PCDHGB4: variants seen among roughly 807,000 people sequenced by gnomAD.
PCDHGB4 encodes the protein protocadherin gamma-B4.
In PCDHGB4, 38 loss-of-function variants were observed where a neutral mutation model predicts 60.5. That is an observed-to-expected ratio of 0.63 (90% CI 0.48 to 0.82). The LOEUF is 0.82. Ranked by LOEUF, PCDHGB4 falls within the 40% of genes least tolerant of loss-of-function variation. The pLI is 0.00. For missense variants in PCDHGB4, 1,109 were observed against 1,209.6 expected, an observed-to-expected ratio of 0.92 and a Z score of 1.23; for synonymous variants, 456 against 509.7, an observed-to-expected ratio of 0.89 and a Z score of 1.42.
chr5:141,463,018 T>C (rs1318740358), intron 1 of PCDHGB4, among the ~76,000 whole-genome samples: 1 of 152,212 alleles, frequency 6.6e-6, no homozygotes, highest in Admixed American at 6.5e-5. Flanking sequence ...AATTCTGACT[T>C]TTTTGATTAA....
rs57426385 is a variant in PCDHGB4, at chr5:141,415,740, G to GTTTTTTTTTTTT, written c.2397+25480_2397+25491dup. 137 of 625,016 alleles carry GTTTTTTTTTTTT rather than the reference G, an allele frequency of 2.2e-4. 2 individuals carry two copies. The highest frequency in any genetic ancestry group is 3.5e-4 in the Admixed American group (5 of 14,120). The allele number at this position is 625,016 out of a possible 1,614,324, so 38.7% of individuals were successfully genotyped here. On this transcript the variant is annotated intron_variant, in intron 1 of 3. Coordinates refer to ENST00000519479, the MANE Select transcript of PCDHGB4 (RefSeq NM_003736.4). ...TGAGTAGAATTTGATGTTTATTAAG[G>GTTTTTTTTTTTT]TTTTTTTTTTTTTTTTTTTTTTTTT... is the stretch of plus-strand genomic sequence containing the variant.
rs1348785166 is a variant in PCDHGB4, at chr5:141,431,381, C to T, written c.2397+41100C>T. On this transcript the variant is annotated intron_variant, in intron 1 of 3. Coordinates refer to ENST00000519479, the MANE Select transcript of PCDHGB4 (RefSeq NM_003736.4). The surrounding 1 kb of genome is among the most constrained non-coding windows in gnomAD (Gnocchi z 4.8). Reference sequence around the variant, plus strand: ...CCTGGACCGCGAAGAAAAGGCTGCTCACCACCTGGTCCTTACGGCCTCCGA... The same window carrying T: ...CCTGGACCGCGAAGAAAAGGCTGCTTACCACCTGGTCCTTACGGCCTCCGA... 1.2e-6 allele frequency: 2 copies of T among 1,613,940 alleles called. No homozygotes were observed. Among genetic ancestry groups the T allele is most frequent in the Non-Finnish European group, 1.7e-6 (2 of 1,180,042 alleles).
chr5:141,395,327 AAAT>A (rs760723981), intron 1 of PCDHGB4: 2 of 1,469,018 alleles, frequency 1.4e-6, no homozygotes, highest in Non-Finnish European at 1.8e-6. Flanking sequence ...AGATAGTTGA[AAAT>A]AATTTTTAAG....
In PCDHGB4 at chr5:141,489,633, T is replaced by C. The variant is rs1298084961; in HGVS notation, c.2398-5174T>C. On this transcript the variant is annotated intron_variant, in intron 1 of 3. Coordinates refer to ENST00000519479, the MANE Select transcript of PCDHGB4 (RefSeq NM_003736.4). The surrounding 1 kb of genome is among the most constrained non-coding windows in gnomAD (Gnocchi z 4.5). ...TCCTGGATCTCAATGACAACTCTCC[T>C]AGCTTTGCCACCCCTGAGCGAGAGA... The C allele has an allele frequency of 6.2e-7, 1 of 1,614,160 alleles. No individual in the cohort carries two copies. Among genetic ancestry groups the C allele is most frequent in the South Asian group, 1.1e-5 (1 of 91,086 alleles).
rs1223618064 is a variant in PCDHGB4 at position 141,512,867 on chromosome 5, C to T, written c.*1694C>T. On this transcript the variant is annotated 3_prime_UTR_variant, in exon 4 of 4. Transcript: ENST00000519479. The stretch of plus-strand genomic sequence containing the variant: ...ATAAGCGCTTCTCTTCGCATAGTCA[C>T]GTAGCTCCCACCCCACCCTCTTCCT... 1 of 152,184 alleles carries T rather than the reference C, an allele frequency of 6.6e-6. No homozygotes were observed. The highest frequency in any genetic ancestry group is 1.5e-5 in the Non-Finnish European group (1 of 68,056). The allele number at this position is 152,184 out of a possible 1,614,324, so 9.4% of individuals were successfully genotyped here. A position where few individuals can be genotyped will look rare whatever the true frequency, so the allele number is the denominator to read the frequency against.
At chr5:141,451,926 T>G (rs994841982) in intron 1 of PCDHGB4, among the ~76,000 whole-genome samples, 5 of 151,122 alleles carry the variant, frequency 3.3e-5, no homozygotes, top group Non-Finnish European at 7.4e-5. Context: ...GGAAGGGAGG[T>G]AGGGAGGCAG....
chr5:141,409,868 A>C (rs2095328786), intron 1 of PCDHGB4: 2 of 1,612,688 alleles, frequency 1.2e-6, no homozygotes, highest in Admixed American at 1.7e-5. Flanking sequence ...GGGAGACCGC[A>C]ATGACAACGC....
intron 1 of PCDHGB4, chr5:141,428,160 T>C (rs761366261): frequency 6.4e-7 from 1 of 1,572,286 alleles, no homozygotes; most frequent in Non-Finnish European, 8.7e-7. Context: ...AACCTGCTGG[T>C]TGCTGTGCGT....
rs2099394683 is a variant in PCDHGB4, at chr5:141,476,602, C to G, written c.2398-18205C>G. 2.5e-6 allele frequency: 4 copies of G among 1,614,208 alleles called. No individual in the cohort carries two copies. The highest frequency in any genetic ancestry group is 2.2e-5 in the East Asian group (1 of 44,862). Reference sequence around the variant, plus strand: ...TTCCGCTCGAGAGCGCGCACGATCCCGATGTGGGAAGCAACTCTTTACAAA... The same window carrying G: ...TTCCGCTCGAGAGCGCGCACGATCCGGATGTGGGAAGCAACTCTTTACAAA... On this transcript the variant is annotated intron_variant, in intron 1 of 3. Transcript: ENST00000519479. This position sits in a 1 kb window ranked among gnomAD's most constrained non-coding sequence, Gnocchi z 7.6.
chr5:141,470,652 C>T (rs923672818), intron 1 of PCDHGB4, among the ~76,000 whole-genome samples: 1 of 152,100 alleles, frequency 6.6e-6, no homozygotes, highest in African/African-American at 2.4e-5. Context: ...AAGGCCCCTA[C>T]CCTTTGGTTA....
At position 141,489,207 on chromosome 5, in the gene PCDHGB4, A is replaced by T; in HGVS notation, c.2398-5600A>T. The T allele has an allele frequency of 6.9e-7, 1 of 1,452,692 alleles. No homozygotes were observed. The highest frequency in any genetic ancestry group is 9.3e-7 in the Non-Finnish European group (1 of 1,073,586). 90.0% of individuals were successfully genotyped at this position (1,452,692 alleles called of 1,614,324 possible). ...GGGTCTACCTTGGAGACAGGACAGC[A>T]CAGACTTACTCTCCACAAAGGGACT... On this transcript the variant is annotated intron_variant, in intron 1 of 3. Transcript: ENST00000519479. The surrounding 1 kb of genome is among the most constrained non-coding windows in gnomAD (Gnocchi z 4.5).
chr5:141,491,199 C>T lies in PCDHGB4; in HGVS notation c.2398-3608C>T. ...TGGTCCTGGTGAGGGACAATGGTGA[C>T]CCTTCACTCTCCTCCACAGCCACAG... On this transcript the variant is annotated intron_variant, in intron 1 of 3. Coordinates refer to ENST00000519479, the MANE Select transcript of PCDHGB4 (RefSeq NM_003736.4). The surrounding 1 kb of genome is among the most constrained non-coding windows in gnomAD (Gnocchi z 6.9). 1 of 1,614,190 alleles carries T rather than the reference C, an allele frequency of 6.2e-7. No homozygotes were observed. Among genetic ancestry groups the T allele is most frequent in the South Asian group, 1.1e-5 (1 of 91,086 alleles).
chr5:141,432,476 A>G lies in PCDHGB4; in HGVS notation c.2397+42195A>G. 1 of 1,614,080 alleles carries G rather than the reference A, an allele frequency of 6.2e-7. No homozygotes were observed. Among genetic ancestry groups the G allele is most frequent in the East Asian group, 2.2e-5 (1 of 44,874 alleles). ...CCCCGCCCTCCCCACGGACGGTTCCACTGGCGTGGAGCTGGCTCCCCGCTC... is the reference window on the plus strand; with the variant it reads ...CCCCGCCCTCCCCACGGACGGTTCCGCTGGCGTGGAGCTGGCTCCCCGCTC... On this transcript the variant is annotated intron_variant, in intron 1 of 3. Transcript: ENST00000519479. The surrounding 1 kb of genome is among the most constrained non-coding windows in gnomAD (Gnocchi z 6.0).
rs972633773 is a variant in PCDHGB4, at chr5:141,489,751, A to T, written c.2398-5056A>T. ...GGGCACCAATACTGTGAGCTTTTAC[A>T]CTCTAAGCCCCAACAGCCACTTCTC... On this transcript the variant is annotated intron_variant, in intron 1 of 3. Coordinates refer to ENST00000519479, the MANE Select transcript of PCDHGB4 (RefSeq NM_003736.4). The surrounding 1 kb of genome is among the most constrained non-coding windows in gnomAD (Gnocchi z 4.5). The T allele has an allele frequency of 1.9e-6, 3 of 1,613,740 alleles. No individual in the cohort carries two copies. Among genetic ancestry groups the T allele is most frequent in the African/African-American group, 2.7e-5 (2 of 74,840 alleles).
At chr5:141,407,738 A>G (rs928743977) in intron 1 of PCDHGB4, among the ~76,000 whole-genome samples, 3 of 152,046 alleles carry the variant, frequency 2.0e-5, no homozygotes, top group Admixed American at 2.0e-4. Context: ...CACTATATAT[A>G]CTCCCTACTG....
chr5:141,406,662 AT>A (rs2094837131), intron 1 of PCDHGB4, among the ~76,000 whole-genome samples: 1 of 152,208 alleles, frequency 6.6e-6, no homozygotes, highest in African/African-American at 2.4e-5. Flanking sequence ...TTAATGTTAA[AT>A]TATGGAGAAT....
chr5:141,419,605 G>A, intron 1 of PCDHGB4: 1 of 1,611,776 alleles, frequency 6.2e-7, no homozygotes, highest in Non-Finnish European at 8.5e-7. Flanking sequence ...CGCGGGCCGC[G>A]CAGCCAGGCT....
At chr5:141,503,229 T>C (rs986982708) in intron 2 of PCDHGB4, among the ~76,000 whole-genome samples, 1 of 152,080 alleles carries the variant, frequency 6.6e-6, no homozygotes, top group African/African-American at 2.4e-5. Context: ...ACCGTAAAGA[T>C]GGACAGTTTC....
chr5:141,399,497 TACCCGAAAACA>T, intron 1 of PCDHGB4: 2 of 1,614,030 alleles, frequency 1.2e-6, no homozygotes, highest in Non-Finnish European at 1.7e-6. Flanking sequence ...TTAGTCAGTG[TACCCGAAAACA>T]ACCCTCCTGG....
Sources: allele counts gnomAD v4.1 joint callset (sites outside exome capture counted in the v4.1 genomes callset), GRCh38; gene constraint gnomAD v4.1.1; non-coding constraint Gnocchi (gnomAD v3.1); transcripts MANE v1.5; gene names NCBI Gene and HGNC (gene_info 2026-07-23, HGNC 2026-07-21).